The following SLAMF6 variants were observed in gnomAD, a reference collection of about 807,000 sequenced individuals.
The protein encoded by SLAMF6 is SLAM family member 6, also known as NK-T-B-antigen.
SLAMF6 carries 21 observed loss-of-function variants against 38.3 expected under a neutral mutation model. That is an observed-to-expected ratio of 0.55 (90% CI 0.39 to 0.79). The LOEUF is 0.79. SLAMF6 is among the 30% of genes least tolerant of loss of function. The pLI is 0.00. For missense variants in SLAMF6, 341 were observed against 385.3 expected (o/e 0.89, Z 0.96); for synonymous variants, 152 against 146.3 (o/e 1.04, Z -0.28).
At chr1:160,490,054 A>C in intron 5 of SLAMF6, 144 bp downstream of exon 5, 7 of 917,662 alleles carry the variant, frequency 7.6e-6, no homozygotes, top group Non-Finnish European at 1.2e-5. Context: ...ATTACAGATC[A>C]TCTCCCCTCA....
At chr1:160,490,350 C>T in intron 4 of SLAMF6, 114 bp from the exon 5 acceptor site, 2 of 1,522,474 alleles carry the variant, frequency 1.3e-6, no homozygotes, top group Non-Finnish European at 1.8e-6. Context: ...GAAGGGCAAG[C>T]AGCCCTGAGA....
chr1:160,499,901 A>G (rs966210750), intron 1 of SLAMF6, among the ~76,000 whole-genome samples: 1 of 152,226 alleles, frequency 6.6e-6, no homozygotes, highest in Non-Finnish European at 1.5e-5. Flanking sequence ...GTTATTTGTC[A>G]TCTTTATTCC....
chr1:160,523,081 T>C, intron 1 of SLAMF6, 63 bp downstream of exon 1: 1 of 1,574,372 alleles, frequency 6.4e-7, no homozygotes, highest in Non-Finnish European at 8.7e-7. Flanking sequence ...CGATTTAGGT[T>C]GAGCAAGCTG....
chr1:160,514,124 T>A (rs919431334), intron 1 of SLAMF6, among the ~76,000 whole-genome samples: 1 of 152,076 alleles, frequency 6.6e-6, no homozygotes, highest in Non-Finnish European at 1.5e-5. Flanking sequence ...AAGAGACTCA[T>A]CTCACATGCA....
chr1:160,490,334 C>G, intron 4 of SLAMF6, 98 bp from the exon 5 acceptor site: 1 of 1,577,572 alleles, frequency 6.3e-7, no homozygotes, highest in Non-Finnish European at 8.7e-7. Context: ...GGAGGGGACC[C>G]AAAAGGAAGG....
intron 3 of SLAMF6, among the ~76,000 whole-genome samples, chr1:160,490,886 A>G (rs1653253758): frequency 6.6e-6 from 1 of 151,988 alleles, no homozygotes. Flanking sequence ...GCAATCCTAC[A>G]TTCCCAGGCC....
chr1:160,495,989 G>A, intron 2 of SLAMF6, 72 bp downstream of exon 2: 6 of 1,377,458 alleles, frequency 4.4e-6, no homozygotes, highest in Non-Finnish European at 6.0e-6. Flanking sequence ...GTGCACATTT[G>A]AAGTCACATA....
chr1:160,506,127 C>T (rs144448210), intron 1 of SLAMF6, among the ~76,000 whole-genome samples: 2 of 152,142 alleles, frequency 1.3e-5, no homozygotes, highest in East Asian at 1.9e-4. Context: ...CCAAACTTCC[C>T]AAACTTTATA....
chr1:160,520,234 G>A (rs192512757), intron 1 of SLAMF6, among the ~76,000 whole-genome samples: 27 of 152,266 alleles, frequency 1.8e-4, no homozygotes, highest in Non-Finnish European at 2.9e-4. Context: ...CTCAACCTCA[G>A]AATCAGCCCT....
chr1:160,494,418 C>T (rs1653457628), intron 2 of SLAMF6, among the ~76,000 whole-genome samples: 1 of 152,136 alleles, frequency 6.6e-6, no homozygotes, highest in East Asian at 1.9e-4. Context: ...CTCCAGTGTC[C>T]TACACTGCCT....
At chr1:160,504,754 G>T (rs563096467) in intron 1 of SLAMF6, among the ~76,000 whole-genome samples, 1 of 152,144 alleles carries the variant, frequency 6.6e-6, no homozygotes, top group South Asian at 2.1e-4. Flanking sequence ...TAGATATGTC[G>T]AATGCCTGGG....
rs1652913141 is a variant in SLAMF6 at position 160,485,329 on chromosome 1, G to A, written c.*1378C>T. 1 of 152,228 alleles carries A rather than the reference G, an allele frequency of 6.6e-6. No homozygotes were observed. The highest frequency in any genetic ancestry group is 6.5e-5 in the Admixed American group (1 of 15,288). The allele number at this position is 152,228 out of a possible 1,614,324, so 9.4% of individuals were successfully genotyped here. On this transcript the variant is annotated 3_prime_UTR_variant, in exon 8 of 8. Transcript: ENST00000368057. ...GGCCTCCCAAAGTACAGGGATTACA[G>A]GTGTGAGCCACCATGCCCAGCCTAG...
Position 160,487,147 on chromosome 1 carries a change from T to C in SLAMF6, c.908A>G (p.Asn303Ser), listed in dbSNP as rs1474213871. The C allele has an allele frequency of 6.2e-7, 1 of 1,613,468 alleles. No homozygotes were observed. The highest frequency in any genetic ancestry group is 1.7e-5 in the Admixed American group (1 of 59,814). ...RETEIWTPRE[N>S]DTITIYSTIN... ...TGTGGAGTAAATTGTGATAGTATCA[T>C]TTTCTCTAGGTGTCCAGATTTCTGT... The change falls in exon 7 of 8, where the codon AAT (asparagine) becomes AGT (serine). Residue 303 changes from asparagine to serine, a missense_variant. Physicochemically the swap from Asn to Ser is conservative, Grantham distance 46. Transcript: ENST00000368057.
At chr1:160,504,017 CAAA>C (rs10648306) in intron 1 of SLAMF6, among the ~76,000 whole-genome samples, 1 of 86,720 alleles carries the variant, frequency 1.2e-5, no homozygotes, top group Non-Finnish European at 2.1e-5. Context: ...GACTCTATCT[CAAA>C]AAAAAAAAAA....
rs1019099633 is a variant in SLAMF6 at position 160,485,627 on chromosome 1, T to A, written c.*1080A>T. The stretch of plus-strand genomic sequence containing the variant: ...GAAACTGGATTTCTTTCTGAGTGCA[T>A]TGGGAAACCTGCAGGGTTTTAAGCA... On this transcript the variant is annotated 3_prime_UTR_variant, in exon 8 of 8. Coordinates refer to ENST00000368057, the MANE Select transcript of SLAMF6 (RefSeq NM_001184714.2). The A allele has an allele frequency of 2.0e-5, 3 of 152,286 alleles. No homozygotes were observed. The highest frequency in any genetic ancestry group is 7.2e-5 in the African/African-American group (3 of 41,502). The allele number at this position is 152,286 out of a possible 1,614,324, so 9.4% of individuals were successfully genotyped here. A position where few individuals can be genotyped will look rare whatever the true frequency, so the allele number is the denominator to read the frequency against.
Position 160,505,026 on chromosome 1 carries a change from A to AATTT in SLAMF6, c.50-8637_50-8634dup, listed in dbSNP as rs375106905. 8.5e-3 allele frequency among the ~76,000 whole-genome samples: 1,292 copies of AATTT among 152,302 alleles called. 25 individuals are homozygous for AATTT. Among genetic ancestry groups the AATTT allele is most frequent in the African/African-American group, 0.03 (1,243 of 41,558 alleles). ...AGCCAATCTGCAAAGACAAGCACAGAATTTATTTATTTATTTGTTTGTTTA... is the reference window on the plus strand; with the variant it reads ...AGCCAATCTGCAAAGACAAGCACAGAATTTATTTATTTATTTATTTGTTTGTTTA... On this transcript the variant is annotated intron_variant, in intron 1 of 7. Transcript: ENST00000368057.
At chr1:160,504,636 T>A (rs1361408042) in intron 1 of SLAMF6, among the ~76,000 whole-genome samples, 1 of 152,194 alleles carries the variant, frequency 6.6e-6, no homozygotes, top group Non-Finnish European at 1.5e-5. Flanking sequence ...CAACTACCTC[T>A]CTTTCAGGTA....
Position 160,491,406 on chromosome 1 carries a change from A to G in SLAMF6, c.383-18T>C, listed in dbSNP as rs1355386356. The G allele has an allele frequency of 6.2e-7, 1 of 1,601,132 alleles. No homozygotes were observed. Among genetic ancestry groups the G allele is most frequent in the Non-Finnish European group, 8.5e-7 (1 of 1,174,348 alleles). On this transcript the variant is annotated intron_variant, in intron 2 of 7. Coordinates refer to ENST00000368057, the MANE Select transcript of SLAMF6 (RefSeq NM_001184714.2). ...CAGTTGTCCTGTTTGCAGAAAAAAA[A>G]AAGATCCAGATTAAGGACAAATGTC...
intron 1 of SLAMF6, among the ~76,000 whole-genome samples, chr1:160,513,331 A>G (rs552254911): frequency 8.5e-5 from 13 of 152,338 alleles, no homozygotes; most frequent in Non-Finnish European, 1.3e-4. Flanking sequence ...AATGAAAAGG[A>G]ACAAACAAAA....
Sources: allele counts gnomAD v4.1 joint callset (sites outside exome capture counted in the v4.1 genomes callset), GRCh38; gene constraint gnomAD v4.1.1; transcripts MANE v1.5; gene names NCBI Gene and HGNC (gene_info 2026-07-23, HGNC 2026-07-21).